Variants in DEUP1 observed in about 807,000 individuals in gnomAD.
The protein encoded by DEUP1 is deuterosome assembly protein 1, also known as coiled-coil domain containing 67.
A neutral mutation model predicts 87.4 loss-of-function variants in DEUP1; 82 were observed. That is an observed-to-expected ratio of 0.94 (90% CI 0.78 to 1.13). DEUP1 has a LOEUF of 1.13. Ranked by LOEUF, DEUP1 falls within the 50% of genes most tolerant of loss-of-function variation. The pLI, the probability that DEUP1 is intolerant of heterozygous loss-of-function variation, is 0.00. For synonymous variants in DEUP1, 214 were observed against 222.7 expected (o/e 0.96, Z 0.35); for missense variants, 663 against 681.5 (o/e 0.97, Z 0.30).
intron 12 of DEUP1, among the ~76,000 whole-genome samples, chr11:93,412,917 AAAAG>A (rs1475332743): frequency 1.3e-5 from 2 of 152,206 alleles, no homozygotes; most frequent in African/African-American, 4.8e-5. Flanking sequence ...GAGTAAAAAA[AAAAG>A]ATACATCTCA....
chr11:93,337,431 A>G (rs1299479728), intron 2 of DEUP1, among the ~76,000 whole-genome samples: 1 of 151,706 alleles, frequency 6.6e-6, no homozygotes, highest in Admixed American at 6.6e-5. Flanking sequence ...TTATTTTTGC[A>G]CATTGAAAAT....
intron 2 of DEUP1, among the ~76,000 whole-genome samples, chr11:93,350,728 T>C (rs1944585391): frequency 6.6e-6 from 1 of 151,530 alleles, no homozygotes; most frequent in African/African-American, 2.4e-5. Context: ...AGCGGGAGGA[T>C]CACCTGAGGT....
At chr11:93,351,313 T>C (rs1944616551) in intron 2 of DEUP1, among the ~76,000 whole-genome samples, 1 of 152,180 alleles carries the variant, frequency 6.6e-6, no homozygotes, top group Admixed American at 6.5e-5. Flanking sequence ...TTTAACTTCC[T>C]TAGCATGGTA....
Position 93,385,526 on chromosome 11 carries a change from T to C in DEUP1, c.918T>C (p.Ala306=), listed in dbSNP as rs771586695. 4 of 1,604,674 alleles carry C rather than the reference T, an allele frequency of 2.5e-6. No individual in the cohort carries two copies. The Admixed American group carries it at 6.9e-5, about 28-fold the overall frequency. ...ELLKIGECQN[A]QGNKTRLESS... ...TAAAAATAGGAGAGTGCCAAAATGCTCAAGGAAATAAAACAAGGTATAATC... is the reference window on the plus strand; with the variant it reads ...TAAAAATAGGAGAGTGCCAAAATGCCCAAGGAAATAAAACAAGGTATAATC... Residue 306 remains alanine, a synonymous_variant, in exon 8 of 14, where the codon GCT becomes GCC. Transcript: ENST00000298050.
intron 2 of DEUP1, among the ~76,000 whole-genome samples, chr11:93,336,816 C>G (rs1043616013): frequency 4.6e-5 from 7 of 152,156 alleles, no homozygotes; most frequent in African/African-American, 1.4e-4. Flanking sequence ...CCAGATGTAT[C>G]TAGTTGGTTT....
chr11:93,395,764 A>C (rs1946924239), intron 10 of DEUP1, among the ~76,000 whole-genome samples: 1 of 152,220 alleles, frequency 6.6e-6, no homozygotes, highest in Non-Finnish European at 1.5e-5. Flanking sequence ...AAGATAAAAT[A>C]AATTGAGAGA....
At position 93,391,803 on chromosome 11, in the gene DEUP1, T is replaced by C. The variant is rs1421989585; in HGVS notation, c.1042-2656T>C. 2.6e-5 allele frequency among the ~76,000 whole-genome samples: 4 copies of C among 151,592 alleles called. No individual in the cohort carries two copies. In the East Asian group the frequency reaches 5.8e-4, roughly 22 times the overall value. On this transcript the variant is annotated intron_variant, in intron 9 of 13. Transcript: ENST00000298050. The stretch of plus-strand genomic sequence containing the variant: ...GCAAAATCCATACTGGGACAAACTA[T>C]AGACTGACCGTGTTATTTCATCAAA...
At chr11:93,417,536 C>T (rs1165504267) in intron 13 of DEUP1, among the ~76,000 whole-genome samples, 1 of 152,194 alleles carries the variant, frequency 6.6e-6, no homozygotes, top group East Asian at 1.9e-4. Flanking sequence ...AAAGAGGATA[C>T]AAACAAATGG....
In DEUP1 at chr11:93,356,941, C is replaced by T. The variant is rs564713941; in HGVS notation, c.202-7C>T. The T allele has an allele frequency of 1.7e-5, 27 of 1,567,518 alleles. No individual in the cohort carries two copies. The South Asian group carries it at 3.0e-4, about 17-fold the overall frequency. ...AAAAGCAAAATTAAATTTTATTCTTCATGCAGGTAGGGTTACTTCGACAGA... is the reference window on the plus strand; with the variant it reads ...AAAAGCAAAATTAAATTTTATTCTTTATGCAGGTAGGGTTACTTCGACAGA... On this transcript the variant is annotated splice_polypyrimidine_tract_variant and splice_region_variant and intron_variant, in intron 3 of 13. Transcript: ENST00000298050.
At chr11:93,396,839 G>C (rs1032371696) in intron 11 of DEUP1, among the ~76,000 whole-genome samples, 1 of 152,120 alleles carries the variant, frequency 6.6e-6, no homozygotes, top group Non-Finnish European at 1.5e-5. Flanking sequence ...ATGAGTGTTG[G>C]TTGATTTAAA....
intron 7 of DEUP1, among the ~76,000 whole-genome samples, chr11:93,378,204 C>T (rs1411949740): frequency 6.6e-6 from 1 of 152,146 alleles, no homozygotes; most frequent in East Asian, 1.9e-4. Flanking sequence ...ATATGTTTTC[C>T]AAACATTTAG....
chr11:93,390,857 G>A (rs1490206149), intron 9 of DEUP1, among the ~76,000 whole-genome samples: 1 of 152,148 alleles, frequency 6.6e-6, no homozygotes, highest in Non-Finnish European at 1.5e-5. Flanking sequence ...GCTGAGGCAG[G>A]CAGATCACCA....
chr11:93,435,697 C>G (rs1258612293), intron 13 of DEUP1, among the ~76,000 whole-genome samples: 1 of 152,144 alleles, frequency 6.6e-6, no homozygotes, highest in East Asian at 1.9e-4. Context: ...TCTGGGCTTT[C>G]TCACAAAATA....
chr11:93,357,086 ATT>A (rs767887450), intron 4 of DEUP1, 43 bp downstream of exon 4: 6 of 1,184,592 alleles, frequency 5.1e-6, no homozygotes, highest in South Asian at 1.5e-5. Context: ...ATTTTGATAT[ATT>A]TTTTTTTACC....
intron 8 of DEUP1, 46 bp from the exon 9 acceptor site, chr11:93,388,974 T>A (rs1411396240): frequency 1.4e-5 from 14 of 1,033,364 alleles, no homozygotes; most frequent in Non-Finnish European, 2.0e-5. Context: ...TTACAATTTA[T>A]CAAGTTAAGC....
At chr11:93,355,292 A>G (rs1948767621) in intron 2 of DEUP1, 79 bp from the exon 3 acceptor site, 1 of 1,201,008 alleles carries the variant, frequency 8.3e-7, no homozygotes, top group South Asian at 1.3e-5. Context: ...TGTTCAAGCT[A>G]TGCAGAGCAA....
intron 9 of DEUP1, among the ~76,000 whole-genome samples, chr11:93,393,665 A>AT (rs988526269): frequency 1.1e-4 from 17 of 151,878 alleles, no homozygotes; most frequent in South Asian, 4.2e-4. Flanking sequence ...ATGGACTATG[A>AT]TTTTTTTTTA....
intron 2 of DEUP1, among the ~76,000 whole-genome samples, chr11:93,347,247 AAGCCTTTTCTGCATCTACTGAG>A (rs1401032661): frequency 6.6e-6 from 1 of 152,090 alleles, no homozygotes; most frequent in Non-Finnish European, 1.5e-5. Context: ...ATTTTACTGA[AAGCCTTTTCTGCATCTACTGAG>A]ATAATCATGT....
chr11:93,399,025 A>T (rs573035687), intron 11 of DEUP1, among the ~76,000 whole-genome samples: 1 of 152,026 alleles, frequency 6.6e-6, no homozygotes, highest in African/African-American at 2.4e-5. Context: ...GTCCACCCTC[A>T]TGTCAATTTT....
Sources: gnomAD v4.1 joint callset for allele counts (sites outside exome capture counted in the v4.1 genomes callset) on GRCh38, gnomAD v4.1.1 for gene constraint, MANE v1.5 for transcripts, NCBI Gene and HGNC (gene_info 2026-07-23, HGNC 2026-07-21) for gene names.